Variants in PMM2 observed in about 807,000 individuals in gnomAD.
The protein encoded by PMM2 is mannose-6-phosphate isomerase.
A neutral mutation model predicts 33.2 loss-of-function variants in PMM2; 35 were observed. That is an observed-to-expected ratio of 1.06 (90% CI 0.81 to 1.40). The LOEUF (loss-of-function observed/expected upper bound fraction) is 1.40, where lower values mean the gene tolerates loss of function less well. Ranked by LOEUF, PMM2 falls within the 40% of genes most tolerant of loss-of-function variation. The probability of loss-of-function intolerance (pLI) is 0.00; values close to 1 mark genes in which losing one functional copy is unlikely to be tolerated. For missense variants in PMM2, 386 were observed against 306.0 expected (o/e 1.26, Z -1.95); for synonymous variants, 153 against 114.7 (o/e 1.33, Z -2.13).
chr16:8,801,738 G>C, intron 1 of PMM2, 61 bp from the exon 2 acceptor site: 1 of 1,047,068 alleles, frequency 9.6e-7, no homozygotes, highest in Non-Finnish European at 1.5e-6. Flanking sequence ...TACCCTTAGA[G>C]TTTTGGTCTC....
At chr16:8,834,895 A>G (rs1363710238) in intron 7 of PMM2, among the ~76,000 whole-genome samples, 1 of 152,160 alleles carries the variant, frequency 6.6e-6, no homozygotes, top group Non-Finnish European at 1.5e-5. Flanking sequence ...GGTATCAGGA[A>G]TAATGTGGGA....
chr16:8,831,186 G>A (rs2060807617), intron 7 of PMM2, among the ~76,000 whole-genome samples: 1 of 152,230 alleles, frequency 6.6e-6, no homozygotes, highest in Admixed American at 6.5e-5. Context: ...TCCTCCCAAG[G>A]TTAGTTCAGC....
intron 4 of PMM2, chr16:8,809,521 C>T (rs1179290568): frequency 8.6e-6 from 1 of 115,872 alleles, no homozygotes; most frequent in Non-Finnish European, 1.9e-5. Context: ...GGCATGCTCT[C>T]AGCTCACTGC....
At chr16:8,813,922 A>G (rs937887825) in intron 7 of PMM2, among the ~76,000 whole-genome samples, 12 of 132,086 alleles carry the variant, frequency 9.1e-5, no homozygotes, top group Non-Finnish European at 1.7e-4. Flanking sequence ...GCTGGAGTGC[A>G]GTGGTGCAAT....
At chr16:8,836,761 A>T (rs2141042460) in intron 7 of PMM2, among the ~76,000 whole-genome samples, 1 of 152,184 alleles carries the variant, frequency 6.6e-6, no homozygotes, top group African/African-American at 2.4e-5. Flanking sequence ...TTTAGGGTCT[A>T]GGGCTGTAAA....
intron 7 of PMM2, among the ~76,000 whole-genome samples, chr16:8,828,182 G>A (rs1567165020): frequency 6.6e-6 from 1 of 151,098 alleles, no homozygotes; most frequent in Non-Finnish European, 1.5e-5. Context: ...CTTAACTACA[G>A]AAGTATAAGA....
chr16:8,801,647 G>A, intron 1 of PMM2, 152 bp from the exon 2 acceptor site: 1 of 494,576 alleles, frequency 2.0e-6, no homozygotes, highest in South Asian at 2.0e-5. Flanking sequence ...ACTCCAGCTT[G>A]GGTGACAAGT....
intron 7 of PMM2, among the ~76,000 whole-genome samples, chr16:8,844,390 A>G (rs986318859): frequency 2.0e-5 from 3 of 152,100 alleles, no homozygotes; most frequent in South Asian, 4.1e-4. Context: ...GGGCATGGAA[A>G]TAAGGGATTG....
intron 7 of PMM2, among the ~76,000 whole-genome samples, chr16:8,844,827 A>G (rs2060914344): frequency 6.6e-6 from 1 of 152,166 alleles, no homozygotes; most frequent in Non-Finnish European, 1.5e-5. Context: ...TTGAAAGGAG[A>G]AAGACGGTGA....
intron 4 of PMM2, chr16:8,806,814 A>C: frequency 8.6e-6 from 2 of 233,120 alleles, no homozygotes; most frequent in Non-Finnish European, 8.5e-6. Context: ...GCTGTCAGTG[A>C]GAGGAAACAG....
chr16:8,800,564 G>A (rs2060607512), intron 1 of PMM2, among the ~76,000 whole-genome samples: 1 of 152,006 alleles, frequency 6.6e-6, no homozygotes, highest in South Asian at 2.1e-4. Flanking sequence ...TTCTAGATAG[G>A]AGCTTTGCTT....
chr16:8,799,424 T>G (rs1213279910), intron 1 of PMM2, among the ~76,000 whole-genome samples: 1 of 152,222 alleles, frequency 6.6e-6, no homozygotes, highest in Non-Finnish European at 1.5e-5. Flanking sequence ...TACAAGTCTC[T>G]GGGCCTCAGG....
intron 7 of PMM2, among the ~76,000 whole-genome samples, chr16:8,835,154 AGTT>A (rs1407246745): frequency 1.7e-4 from 25 of 149,784 alleles, no homozygotes; most frequent in Admixed American, 8.0e-4. Flanking sequence ...AGTAAGGTCA[AGTT>A]GTTTGGACAG....
chr16:8,842,138 AGTT>A (rs1480115622), intron 7 of PMM2: 9 of 151,118 alleles, frequency 6.0e-5, no homozygotes, highest in South Asian at 2.1e-4. Flanking sequence ...GAAGGAAGGG[AGTT>A]GTTGTTTTGG....
intron 7 of PMM2, among the ~76,000 whole-genome samples, chr16:8,827,655 C>G (rs1596496828): frequency 7.0e-6 from 1 of 142,490 alleles, no homozygotes; most frequent in Non-Finnish European, 1.5e-5. Flanking sequence ...CTCAGCCTCT[C>G]AAAGTGCTGG....
chr16:8,847,724 G>A lies in PMM2; in HGVS notation c.640G>A (p.Gly214Ser), dbSNP rs1555453238. ...TCATCTGTACTTCGTGTCTTTCCAG[G>A]GTGGCAATGACCATGAGATCTTCAC... ...IYFFGDKTMP[G>S]GNDHEIFTDP... The change falls in exon 8 of 8, where the codon GGT becomes AGT. Residue 214 changes from glycine (G) to serine (S), a missense_variant and splice_region_variant. Physicochemically the swap from Gly to Ser is moderately conservative, Grantham distance 56. Transcript: ENST00000268261. 2.5e-6 allele frequency: 4 copies of A among 1,610,882 alleles called. No individual in the cohort carries two copies. The highest frequency in any genetic ancestry group is 3.4e-6 in the Non-Finnish European group (4 of 1,177,132).
At chr16:8,826,973 A>T (rs551774689) in intron 7 of PMM2, among the ~76,000 whole-genome samples, 1 of 152,270 alleles carries the variant, frequency 6.6e-6, no homozygotes, top group South Asian at 2.1e-4. Context: ...TTTTATAATC[A>T]TCCTTACCAA....
chr16:8,845,995 CA>C (rs1160459551), intron 7 of PMM2, among the ~76,000 whole-genome samples: 10 of 152,234 alleles, frequency 6.6e-5, no homozygotes, highest in Admixed American at 2.6e-4. Flanking sequence ...GTGTAGGTAG[CA>C]GATGGTGGCC....
intron 7 of PMM2, among the ~76,000 whole-genome samples, chr16:8,838,535 G>A (rs577915658): frequency 2.6e-5 from 4 of 152,100 alleles, no homozygotes; most frequent in East Asian, 1.9e-4. Context: ...TAGGGGCGGC[G>A]TGGGAACCTA....
Sources: allele counts gnomAD v4.1 joint callset (sites outside exome capture counted in the v4.1 genomes callset), GRCh38; gene constraint gnomAD v4.1.1; transcripts MANE v1.5; gene names NCBI Gene and HGNC (gene_info 2026-07-23, HGNC 2026-07-21).